MSS51: variants seen among roughly 807,000 people sequenced by gnomAD.
The protein encoded by MSS51 is putative protein MSS51 homolog, mitochondrial.
Under a neutral mutation model 40.2 loss-of-function variants are expected in MSS51, and 32 were observed. That is an observed-to-expected ratio of 0.80 (90% CI 0.60 to 1.07). MSS51 has a LOEUF of 1.07. Ranked by LOEUF, MSS51 falls within the 50% of genes least tolerant of loss-of-function variation. The pLI is 0.00. For missense variants in MSS51, 518 were observed against 568.9 expected (o/e 0.91, Z 0.91); for synonymous variants, 178 against 214.2 (o/e 0.83, Z 1.48).
chr10:73,427,795 G>T, intron 2 of MSS51, 27 bp from the exon 3 acceptor site: 1 of 1,609,116 alleles, frequency 6.2e-7, no homozygotes, highest in Non-Finnish European at 8.5e-7. Context: ...GAGAAGGAAT[G>T]ACAATGGGGA....
Position 73,428,148 on chromosome 10 carries a change from C to T in MSS51, c.137G>A (p.Gly46Asp). The part of the protein sequence containing the change: ...SKPGPSIDTL[G>D]FFSLDDNVPG... ...AACATTATCATCCAAGGAGAAGAAG[C>T]CAAGTGTGTCAATGCTAGGGCCAGG... The change falls in exon 2 of 7, where the codon GGC becomes GAC. Residue 46 changes from glycine (G) to aspartate (D), a missense_variant. By Grantham distance (94) the Gly-to-Asp change is moderately conservative. Coordinates refer to ENST00000299432, the MANE Select transcript of MSS51 (RefSeq NM_001024593.2). The T allele has an allele frequency of 6.2e-7, 1 of 1,614,004 alleles. No homozygotes were observed. The highest frequency in any genetic ancestry group is 8.5e-7 in the Non-Finnish European group (1 of 1,180,016).
At chr10:73,429,111 C>G (rs932945028) in intron 1 of MSS51, among the ~76,000 whole-genome samples, 1 of 151,992 alleles carries the variant, frequency 6.6e-6, no homozygotes, top group Admixed American at 6.6e-5. Flanking sequence ...GAGGCTGAGG[C>G]AGGAGAACTG....
chr10:73,430,227 C>G (rs1376485857), intron 1 of MSS51, among the ~76,000 whole-genome samples: 1 of 152,110 alleles, frequency 6.6e-6, no homozygotes, highest in Non-Finnish European at 1.5e-5. Context: ...ACCAAAAGCA[C>G]AGGCAACACC....
Position 73,433,549 on chromosome 10 carries a change from C to T in MSS51, c.-54G>A, listed in dbSNP as rs2056044744. ...CTCAGCTTCCTTCCTTCTCTCTTTCCTCCAAGTGAAATGAGTGCTTGATCT... is the reference window on the plus strand; with the variant it reads ...CTCAGCTTCCTTCCTTCTCTCTTTCTTCCAAGTGAAATGAGTGCTTGATCT... On this transcript the variant is annotated 5_prime_UTR_variant, in exon 1 of 7. Coordinates refer to ENST00000299432, the MANE Select transcript of MSS51 (RefSeq NM_001024593.2). 1 of 152,190 alleles carries T rather than the reference C, an allele frequency of 6.6e-6. No individual in the cohort carries two copies. Among genetic ancestry groups the T allele is most frequent in the African/African-American group, 2.4e-5 (1 of 41,444 alleles). 9.4% of individuals were successfully genotyped at this position (152,190 alleles called of 1,614,324 possible).
At chr10:73,427,799 A>G (rs2056000731) in intron 2 of MSS51, 31 bp from the exon 3 acceptor site, 2 of 1,608,402 alleles carry the variant, frequency 1.2e-6, no homozygotes, top group South Asian at 1.1e-5. Flanking sequence ...AGGAATGACA[A>G]TGGGGAAAGG....
intron 1 of MSS51, among the ~76,000 whole-genome samples, chr10:73,430,969 C>T (rs1032552268): frequency 6.6e-5 from 10 of 152,196 alleles, no homozygotes; most frequent in South Asian, 6.2e-4. Flanking sequence ...TACTGATACA[C>T]GCTACAATGT....
intron 5 of MSS51, 111 bp downstream of exon 5, chr10:73,425,697 GTCA>G (rs887116932): frequency 2.1e-5 from 14 of 668,794 alleles, no homozygotes; most frequent in African/African-American, 1.5e-4. Flanking sequence ...AAGAAAAGTT[GTCA>G]TCATATTGTG....
intron 1 of MSS51, among the ~76,000 whole-genome samples, chr10:73,430,481 C>G (rs1046470942): frequency 4.0e-5 from 6 of 151,688 alleles, no homozygotes; most frequent in Non-Finnish European, 8.8e-5. Flanking sequence ...GGCATTTTCC[C>G]AAAGAATATA....
intron 5 of MSS51, 113 bp from the exon 6 acceptor site, chr10:73,425,304 TATC>T (rs1211290955): frequency 3.6e-4 from 229 of 637,564 alleles, no homozygotes; most frequent in Admixed American, 4.5e-4. Flanking sequence ...CCCCAGTCAT[TATC>T]ATCATCATCA....
Position 73,426,057 on chromosome 10 carries a change from T to G in MSS51, c.823A>C (p.Thr275Pro). Residue 275 changes from threonine to proline, a missense_variant, in exon 5 of 7, where the codon ACA becomes CCA. Transcript: ENST00000299432. ...VHVVGASHVETFLTRPGDYDE... is the reference protein window; with the variant it reads ...VHVVGASHVEPFLTRPGDYDE... Reference sequence around the variant, plus strand: ...TAGTCCCCTGGGCGAGTAAGAAATGTCTCCACATGGGAAGCACCAACCACA... The same window carrying G: ...TAGTCCCCTGGGCGAGTAAGAAATGGCTCCACATGGGAAGCACCAACCACA... 6.2e-7 allele frequency: 1 copy of G among 1,614,168 alleles called. No individual in the cohort carries two copies. Among genetic ancestry groups the G allele is most frequent in the Non-Finnish European group, 8.5e-7 (1 of 1,180,030 alleles).
Position 73,425,798 on chromosome 10 carries a change from C to A in MSS51, c.1069+13G>T. 6.2e-7 allele frequency: 1 copy of A among 1,601,888 alleles called. No individual in the cohort carries two copies. Among genetic ancestry groups the A allele is most frequent in the South Asian group, 1.1e-5 (1 of 89,292 alleles). ...GGAGCCACCCTCTATTCCCCTGAAC[C>A]AATGACTCTTACCTGGATGGAATGC... On this transcript the variant is annotated intron_variant, in intron 5 of 6. Transcript: ENST00000299432.
chr10:73,428,327 T>A (rs756887341), intron 1 of MSS51, 26 bp from the exon 2 acceptor site: 4 of 1,512,814 alleles, frequency 2.6e-6, no homozygotes, highest in Non-Finnish European at 3.6e-6. Context: ...AGAATAGACA[T>A]GGAATGGAAT....
Position 73,426,396 on chromosome 10 carries a change from A to G in MSS51, c.503-19T>C. The G allele has an allele frequency of 5.6e-6, 9 of 1,598,266 alleles. No homozygotes were observed. Among genetic ancestry groups the G allele is most frequent in the Non-Finnish European group, 7.6e-6 (9 of 1,177,996 alleles). On this transcript the variant is annotated intron_variant, in intron 4 of 6. Transcript: ENST00000299432. ...AAATCACCTGTAGGAAAGAAGAAAT[A>G]AGAAGTAACCTAATGCTTTCCTGGC...
Position 73,424,698 on chromosome 10 carries a change from G to C in MSS51, c.1238C>G (p.Pro413Arg). The C allele has an allele frequency of 6.2e-7, 1 of 1,614,128 alleles. No homozygotes were observed. Among genetic ancestry groups the C allele is most frequent in the Non-Finnish European group, 8.5e-7 (1 of 1,180,014 alleles). Residue 413 changes from proline (P) to arginine (R), a missense_variant, in exon 7 of 7, where the codon CCT becomes CGT. By Grantham distance (103) the Pro-to-Arg change is moderately radical. Coordinates refer to ENST00000299432, the MANE Select transcript of MSS51 (RefSeq NM_001024593.2). ...DTHITAFGSN[P>R]FMSLKPEQVY... ...CTGTTCAGGTTTGAGGGACATGAAA[G>C]GATTAGACCCAAAGGCAGTGATGTG...
At position 73,427,683 on chromosome 10, in the gene MSS51, G is replaced by C; in HGVS notation, c.307C>G (p.Arg103Gly). 6.2e-7 allele frequency: 1 copy of C among 1,614,182 alleles called. No homozygotes were observed. The highest frequency in any genetic ancestry group is 8.5e-7 in the Non-Finnish European group (1 of 1,180,022). The change falls in exon 3 of 7, where the codon CGA becomes GGA. Residue 103 changes from arginine (R) to glycine (G), a missense_variant. Arg to Gly is a moderately radical substitution (Grantham distance 125). Transcript: ENST00000299432. ...EMFQRMEDTF[R>G]FCAHCRALPS... ...AGTGCTCTACAGTGAGCACAGAATC[G>C]AAATGTGTCTTCCATCCTCTGGAAC...
chr10:73,432,917 G>A (rs2056039068), intron 1 of MSS51, among the ~76,000 whole-genome samples: 1 of 152,140 alleles, frequency 6.6e-6, no homozygotes, highest in Non-Finnish European at 1.5e-5. Context: ...AAAAACAGGG[G>A]ACTCACAGGA....
chr10:73,424,860 ACCCATCCCCCAAATTG>A (rs1336931476), intron 6 of MSS51, 88 bp from the exon 7 acceptor site: 1 of 1,117,152 alleles, frequency 9.0e-7, no homozygotes, highest in Non-Finnish European at 1.3e-6. Context: ...TTCTGTAATC[ACCCATCCCCCAAATTG>A]CCTAAGGCTG....
Position 73,424,275 on chromosome 10 carries a change from G to A in MSS51, c.*278C>T, listed in dbSNP as rs2055964092. ...ACCTGTAATCCCAGCTACTAGGGAG[G>A]CTGAGGCAGGAGAACCACTTGAACC... is the stretch of plus-strand genomic sequence containing the variant. On this transcript the variant is annotated 3_prime_UTR_variant, in exon 7 of 7. Coordinates refer to ENST00000299432, the MANE Select transcript of MSS51 (RefSeq NM_001024593.2). The A allele has an allele frequency of 2.8e-6, 1 of 357,592 alleles. No homozygotes were observed. The highest frequency in any genetic ancestry group is 6.2e-5 in the East Asian group (1 of 16,020). 22.2% of individuals were successfully genotyped at this position (357,592 alleles called of 1,614,324 possible). A position where few individuals can be genotyped will look rare whatever the true frequency, so the allele number is the denominator to read the frequency against.
Position 73,425,824 on chromosome 10 carries a change from C to T in MSS51, c.1056G>A (p.Ala352=), listed in dbSNP as rs61995708. 4.0e-3 allele frequency: 6,511 copies of T among 1,612,670 alleles called. 143 individuals carry two copies. In the East Asian group the frequency reaches 0.065, roughly 16 times the overall value. ...AATGACTCTTACCTGGATGGAATGCCGCCACCAAATCTGGATGGTGTGTCT... is the reference window on the plus strand; with the variant it reads ...AATGACTCTTACCTGGATGGAATGCTGCCACCAAATCTGGATGGTGTGTCT... ...TGQTHHPDLV[A]AFHPGFHSSP... Residue 352 remains alanine, a synonymous_variant, in exon 5 of 7, where the codon GCG becomes GCA. Coordinates refer to ENST00000299432, the MANE Select transcript of MSS51 (RefSeq NM_001024593.2).
Sources: gnomAD v4.1 joint callset for allele counts (sites outside exome capture counted in the v4.1 genomes callset) on GRCh38, gnomAD v4.1.1 for gene constraint, MANE v1.5 for transcripts, NCBI Gene and HGNC (gene_info 2026-07-23, HGNC 2026-07-21) for gene names.